Variants in EDEM3 observed in about 807,000 individuals in gnomAD.
EDEM3 encodes ER degradation enhancing alpha-mannosidase like protein 3, also known as ER degradation-enhancing alpha-mannosidase-like protein 3.
Under a neutral mutation model 110.2 loss-of-function variants are expected in EDEM3, and 60 were observed. The ratio of observed to expected loss-of-function variants is 0.54; its 90% CI spans 0.44 to 0.67. The LOEUF is 0.67. Ranked by LOEUF, EDEM3 falls within the 30% of genes least tolerant of loss-of-function variation. EDEM3 has a pLI of 0.00. For synonymous variants in EDEM3, 352 were observed against 382.9 expected, an observed-to-expected ratio of 0.92 and a Z score of 0.94; for missense variants, 996 against 1,121.0, an observed-to-expected ratio of 0.89 and a Z score of 1.59.
At chr1:184,698,345 T>C (rs9660114) in intron 19 of EDEM3, among the ~76,000 whole-genome samples, 17,777 of 151,790 alleles carry the variant, frequency 0.12, 2,311 homozygotes, top group African/African-American at 0.32. Flanking sequence ...CACCATTGTA[T>C]ACAGTGGCAA....
intron 19 of EDEM3, among the ~76,000 whole-genome samples, chr1:184,697,309 C>A (rs1649382342): frequency 6.6e-6 from 1 of 151,690 alleles, no homozygotes; most frequent in African/African-American, 2.4e-5. Flanking sequence ...GTAAAGTATG[C>A]AATTATATAA....
intron 2 of EDEM3, among the ~76,000 whole-genome samples, chr1:184,748,862 T>C (rs939407656): frequency 1.3e-5 from 2 of 152,238 alleles, no homozygotes; most frequent in Admixed American, 6.5e-5. Context: ...GCTGACATAT[T>C]TTAAAATGTA....
rs946235595 is a variant in EDEM3, at chr1:184,690,412, A to T, written c.*3651T>A. On this transcript the variant is annotated 3_prime_UTR_variant, in exon 20 of 20. Transcript: ENST00000318130. ...AATCCCCGGAGGATAAAATGAGTTT[A>T]AAAAAAAAAGGAAAACAGAGTGATA... 2.1e-4 allele frequency: 7 copies of T among 32,996 alleles called. No homozygotes were observed. The highest frequency in any genetic ancestry group is 3.7e-4 in the Non-Finnish European group (7 of 19,062). The allele number at this position is 32,996 out of a possible 1,614,324, so 2.0% of individuals were successfully genotyped here.
intron 8 of EDEM3, 139 bp downstream of exon 8, chr1:184,723,612 A>C (rs1237097962): frequency 4.2e-6 from 3 of 710,960 alleles, no homozygotes; most frequent in Non-Finnish European, 6.8e-6. Context: ...AATCTGGCTA[A>C]ATTAATTAAA....
chr1:184,709,559 T>C (rs1650112180), intron 16 of EDEM3, among the ~76,000 whole-genome samples: 1 of 152,200 alleles, frequency 6.6e-6, no homozygotes. Flanking sequence ...AGCCAATAGT[T>C]ACAGAAAAGT....
At chr1:184,742,677 C>T (rs957310878) in intron 2 of EDEM3, among the ~76,000 whole-genome samples, 6 of 152,240 alleles carry the variant, frequency 3.9e-5, no homozygotes, top group African/African-American at 1.4e-4. Flanking sequence ...GCGTGAGCCA[C>T]CATGCCCAGC....
Position 184,723,865 on chromosome 1 carries a change from T to TAAAAAAAAAAAAAAAAAA in EDEM3, c.748-27_748-10dup, listed in dbSNP as rs71101940. ...GCTTTTCTGGCATATTCCTGTAATT[T>TAAAAAAAAAAAAAAAAAA]AAAAAAAAAAAAAAAAAAAAGAAGT... is the stretch of plus-strand genomic sequence containing the variant. On this transcript the variant is annotated splice_polypyrimidine_tract_variant and intron_variant, in intron 7 of 19. Transcript: ENST00000318130. 9.8e-7 allele frequency: 1 copy of TAAAAAAAAAAAAAAAAAA among 1,016,258 alleles called. No individual in the cohort carries two copies. 63.0% of individuals were successfully genotyped at this position (1,016,258 alleles called of 1,614,324 possible). A position where few individuals can be genotyped will look rare whatever the true frequency, so the allele number is the denominator to read the frequency against.
chr1:184,752,016 G>A (rs924860635), intron 1 of EDEM3, among the ~76,000 whole-genome samples: 1 of 152,176 alleles, frequency 6.6e-6, no homozygotes, highest in African/African-American at 2.4e-5. Flanking sequence ...GCCTCCCAAA[G>A]TGCTGGGATT....
intron 2 of EDEM3, among the ~76,000 whole-genome samples, chr1:184,748,281 T>C (rs949477992): frequency 6.6e-6 from 1 of 151,938 alleles, no homozygotes; most frequent in Non-Finnish European, 1.5e-5. Context: ...ACCCCATCTC[T>C]ACCAAAAATA....
chr1:184,723,948 A>G, intron 7 of EDEM3, 92 bp from the exon 8 acceptor site: 1 of 868,102 alleles, frequency 1.2e-6, no homozygotes, highest in Non-Finnish European at 1.7e-6. Context: ...CAAAACTCAA[A>G]GGCCGATAGG....
intron 6 of EDEM3, 83 bp from the exon 7 acceptor site, chr1:184,726,472 G>T: frequency 7.1e-7 from 1 of 1,406,960 alleles, no homozygotes; most frequent in Non-Finnish European, 9.6e-7. Flanking sequence ...TCAAGTCTTT[G>T]TATAAAATCA....
intron 14 of EDEM3, 94 bp downstream of exon 14, chr1:184,712,339 T>C (rs1214270868): frequency 1.8e-6 from 2 of 1,141,034 alleles, no homozygotes; most frequent in Non-Finnish European, 2.5e-6. Context: ...CATACATATA[T>C]TTATTGAATT....
intron 19 of EDEM3, among the ~76,000 whole-genome samples, chr1:184,696,036 C>A (rs1259010375): frequency 1.3e-5 from 2 of 151,916 alleles, no homozygotes; most frequent in Non-Finnish European, 2.9e-5. Flanking sequence ...TGGGGGGATT[C>A]TCTCTGGAAT....
At chr1:184,729,717 AT>A (rs1394592289) in intron 6 of EDEM3, among the ~76,000 whole-genome samples, 2 of 152,136 alleles carry the variant, frequency 1.3e-5, no homozygotes, top group African/African-American at 4.8e-5. Context: ...TTTTTCTTCT[AT>A]TGTCCTATTA....
chr1:184,723,386 T>C (rs1298916881), intron 8 of EDEM3, among the ~76,000 whole-genome samples: 3 of 152,046 alleles, frequency 2.0e-5, no homozygotes, highest in Non-Finnish European at 4.4e-5. Context: ...TCTTAGCTAC[T>C]ATATTTCTGG....
intron 5 of EDEM3, among the ~76,000 whole-genome samples, chr1:184,733,545 C>G (rs1651646121): frequency 6.6e-6 from 1 of 152,012 alleles, no homozygotes; most frequent in Non-Finnish European, 1.5e-5. Context: ...TTCAAAATAT[C>G]CTGGCCAGGC....
chr1:184,722,368 T>C (rs1394646718), intron 8 of EDEM3, among the ~76,000 whole-genome samples: 1 of 152,048 alleles, frequency 6.6e-6, no homozygotes, highest in Non-Finnish European at 1.5e-5. Context: ...CACACTGTAC[T>C]ATTTAATTCA....
chr1:184,748,993 A>G (rs953177323), intron 2 of EDEM3, among the ~76,000 whole-genome samples: 2 of 152,250 alleles, frequency 1.3e-5, no homozygotes, highest in Non-Finnish European at 2.9e-5. Context: ...GTTGTTGCAC[A>G]ACAGATCTCC....
At chr1:184,730,494 G>A (rs893106929) in intron 6 of EDEM3, among the ~76,000 whole-genome samples, 9 of 152,128 alleles carry the variant, frequency 5.9e-5, no homozygotes, top group Admixed American at 2.6e-4. Context: ...GGCTGAGGTG[G>A]GAGGATCACT....
Sources: gnomAD v4.1 joint callset for allele counts (sites outside exome capture counted in the v4.1 genomes callset) on GRCh38, gnomAD v4.1.1 for gene constraint, MANE v1.5 for transcripts, NCBI Gene and HGNC (gene_info 2026-07-23, HGNC 2026-07-21) for gene names.